USP25: variants seen among roughly 807,000 people sequenced by gnomAD.
USP25 encodes ubiquitin specific peptidase 25.
USP25 carries 85 observed loss-of-function variants against 158.5 expected under a neutral mutation model. The ratio of observed to expected loss-of-function variants is 0.54; its 90% CI spans 0.45 to 0.64. The LOEUF (loss-of-function observed/expected upper bound fraction) is 0.64. Among genes scored for constraint, USP25 ranks in the 30% least tolerant of loss-of-function variants. The pLI is 0.00. For synonymous variants in USP25, 464 were observed against 460.4 expected, an observed-to-expected ratio of 1.01 and a Z score of -0.10; for missense variants, 1,242 against 1,327.3, an observed-to-expected ratio of 0.94 and a Z score of 1.00.
intron 17 of USP25, among the ~76,000 whole-genome samples, chr21:15,835,595 A>C (rs2038027305): frequency 6.6e-6 from 1 of 152,236 alleles, no homozygotes; most frequent in Admixed American, 6.5e-5. Flanking sequence ...TTTACCATGC[A>C]AAATAATCTT....
chr21:15,773,069 A>C lies in USP25; in HGVS notation c.269-4835A>C, dbSNP rs78940738. Among the ~76,000 whole-genome samples, 1,051 of 152,360 alleles carry C rather than the reference A, an allele frequency of 6.9e-3. 9 individuals are homozygous for C. The highest frequency in any genetic ancestry group is 0.024 in the African/African-American group (1,018 of 41,592). ...TTAAAGGAAAAAGTCCCAGCTTTTC[A>C]GTTAAGGATTGTTAGTCTCTGGTCT... On this transcript the variant is annotated intron_variant, in intron 3 of 25. Transcript: ENST00000400183.
intron 10 of USP25, 46 bp downstream of exon 10, chr21:15,818,892 T>G (rs2037086444): frequency 6.3e-7 from 1 of 1,597,388 alleles, no homozygotes; most frequent in African/African-American, 1.3e-5. Context: ...TAGGTCTTTC[T>G]TACAATGCTA....
chr21:15,812,316 T>C (rs9978395), intron 9 of USP25, among the ~76,000 whole-genome samples: 3,159 of 152,224 alleles, frequency 0.021, 117 homozygotes, highest in African/African-American at 0.069. Flanking sequence ...CATTTCTACC[T>C]GTATTATATT....
chr21:15,824,620 C>T (rs2037404603), intron 11 of USP25, among the ~76,000 whole-genome samples: 1 of 150,522 alleles, frequency 6.6e-6, no homozygotes, highest in Non-Finnish European at 1.5e-5. Context: ...TCTGTCTTTC[C>T]TTCTTTTTTG....
intron 1 of USP25, among the ~76,000 whole-genome samples, chr21:15,737,973 A>G (rs183270095): frequency 1.2e-3 from 180 of 152,258 alleles, no homozygotes; most frequent in Non-Finnish European, 2.0e-3. Context: ...CTCAGAAAAT[A>G]TGGAGTTTTC....
At chr21:15,865,525 T>G (rs2039617989) in intron 21 of USP25, among the ~76,000 whole-genome samples, 1 of 152,170 alleles carries the variant, frequency 6.6e-6, no homozygotes, top group South Asian at 2.1e-4. Context: ...CACTACTGTT[T>G]ATATTAGTAG....
rs1356242864 is a variant in USP25 at position 15,823,944 on chromosome 21, A to G, written c.1081-95A>G. On this transcript the variant is annotated intron_variant, in intron 10 of 25. Transcript: ENST00000400183. ...TCAGGTCCGCATTGTGGTGATACAT[A>G]TAACAATGTCAGTGCCCACATCCTG... The G allele has an allele frequency of 6.3e-6, 8 of 1,261,128 alleles. No individual in the cohort carries two copies. The East Asian group carries it at 1.0e-4, about 16-fold the overall frequency. The allele number at this position is 1,261,128 out of a possible 1,614,324, so 78.1% of individuals were successfully genotyped here. A position where few individuals can be genotyped will look rare whatever the true frequency, so the allele number is the denominator to read the frequency against.
intron 1 of USP25, among the ~76,000 whole-genome samples, chr21:15,754,219 T>A (rs1199598723): frequency 2.0e-5 from 3 of 152,198 alleles, no homozygotes; most frequent in Non-Finnish European, 4.4e-5. Context: ...AGGTGGTGTG[T>A]CCTGAGCCCC....
At chr21:15,732,564 G>A (rs1431275470) in intron 1 of USP25, among the ~76,000 whole-genome samples, 1 of 152,150 alleles carries the variant, frequency 6.6e-6, no homozygotes, top group African/African-American at 2.4e-5. Context: ...TTATCTAAAA[G>A]GAGAGGTGTG....
At chr21:15,737,692 G>T (rs2031653266) in intron 1 of USP25, among the ~76,000 whole-genome samples, 1 of 151,808 alleles carries the variant, frequency 6.6e-6, no homozygotes, top group African/African-American at 2.4e-5. Flanking sequence ...AGTTATATTT[G>T]CAACATTTTA....
chr21:15,816,166 T>C lies in USP25; in HGVS notation c.932-2532T>C, dbSNP rs957611660. ...TCTTTCCTGTGCTATTCTCATGATA[T>C]TGAATACATCTCATGAGATCTAATG... is the stretch of plus-strand genomic sequence containing the variant. On this transcript the variant is annotated intron_variant, in intron 9 of 25. Coordinates refer to ENST00000400183, the MANE Select transcript of USP25 (RefSeq NM_001283041.3). This position sits in a 1 kb window ranked among gnomAD's most constrained non-coding sequence, Gnocchi z 4.0. 1.3e-5 allele frequency among the ~76,000 whole-genome samples: 2 copies of C among 152,176 alleles called. No homozygotes were observed. Among genetic ancestry groups the C allele is most frequent in the Admixed American group, 6.5e-5 (1 of 15,268 alleles).
intron 20 of USP25, among the ~76,000 whole-genome samples, chr21:15,859,892 A>G (rs2039340950): frequency 1.3e-5 from 2 of 149,106 alleles, no homozygotes; most frequent in Admixed American, 6.7e-5. Context: ...GTTACATTAT[A>G]TTTTATTTCT....
At chr21:15,799,661 C>A in intron 5 of USP25, 96 bp from the exon 6 acceptor site, 2 of 730,490 alleles carry the variant, frequency 2.7e-6, no homozygotes, top group Non-Finnish European at 4.4e-6. Context: ...ATAAGTAGTA[C>A]ACAGTTGTAA....
At chr21:15,769,447 G>A (rs142515552) in intron 3 of USP25, among the ~76,000 whole-genome samples, 361 of 152,126 alleles carry the variant, frequency 2.4e-3, no homozygotes, top group African/African-American at 8.3e-3. Flanking sequence ...AACGTACTAG[G>A]TAACATTTTT....
chr21:15,827,330 G>A, intron 14 of USP25, 127 bp downstream of exon 14: 3 of 871,292 alleles, frequency 3.4e-6, no homozygotes, highest in South Asian at 3.8e-5. Context: ...TTCCAGAAAG[G>A]GTTTTAAGAT....
intron 15 of USP25, among the ~76,000 whole-genome samples, chr21:15,831,189 A>C (rs2037781358): frequency 6.6e-6 from 1 of 152,094 alleles, no homozygotes; most frequent in Non-Finnish European, 1.5e-5. Flanking sequence ...TAATCTATCA[A>C]CTTTGCATAT....
rs1380622382 is a variant in USP25 at position 15,805,252 on chromosome 21, A to G, written c.774A>G (p.Ser258=). 1.9e-6 allele frequency: 3 copies of G among 1,599,372 alleles called. No individual in the cohort carries two copies. The highest frequency in any genetic ancestry group is 2.6e-6 in the Non-Finnish European group (3 of 1,174,922). The change falls in exon 7 of 26, where the codon TCA becomes TCG. Residue 258 remains serine (S), a synonymous_variant. Transcript: ENST00000400183. The part of the protein sequence containing the change: ...ILKDAFKSND[S]QQQDVSEFTH... ...AGGATGCTTTCAAATCAAATGACTC[A>G]CAGCAGGTAGTTCTGTTGCACTGAC... is the stretch of plus-strand genomic sequence containing the variant.
Position 15,794,509 on chromosome 21 carries a change from A to G in USP25, c.555+2845A>G, listed in dbSNP as rs377084745. ...GAATGAGTTAGCTATTTGGAGGTGT[A>G]TGTTCTTCTCTGTAGCTCTGGGACA... On this transcript the variant is annotated intron_variant, in intron 5 of 25. Transcript: ENST00000400183. Among the ~76,000 whole-genome samples, 7 of 151,430 alleles carry G rather than the reference A, an allele frequency of 4.6e-5. No homozygotes were observed. The East Asian group carries it at 1.2e-3, about 25-fold the overall frequency.
chr21:15,763,002 G>A, intron 2 of USP25, 34 bp downstream of exon 2: 1 of 1,576,438 alleles, frequency 6.3e-7, no homozygotes, highest in African/African-American at 1.4e-5. Context: ...ACAGTTTGTG[G>A]TATATGCTCA....
Sources: gnomAD v4.1 joint callset for allele counts (sites outside exome capture counted in the v4.1 genomes callset) on GRCh38, gnomAD v4.1.1 for gene constraint, Gnocchi (gnomAD v3.1) non-coding constraint, MANE v1.5 for transcripts, NCBI Gene and HGNC (gene_info 2026-07-23, HGNC 2026-07-21) for gene names.